The following RP1 variants were observed in gnomAD, a reference collection of about 807,000 sequenced individuals.
The protein encoded by RP1 is oxygen-regulated protein 1.
In RP1, 16 loss-of-function variants were observed where a neutral mutation model predicts 14.8. The observed-to-expected ratio is 1.08, with a 90% CI of 0.73 to 1.65. RP1 has a LOEUF of 1.65. Ranked by LOEUF, RP1 falls within the 40% of genes most tolerant of loss-of-function variation. RP1 has a pLI of 0.00. For missense variants in RP1, 2,631 were observed against 2,535.0 expected, an observed-to-expected ratio of 1.04 and a Z score of -0.81; for synonymous variants, 876 against 883.6, an observed-to-expected ratio of 0.99 and a Z score of 0.15.
chr8:54,607,076 A>C (rs1383294478), intron 1 of RP1, among the ~76,000 whole-genome samples: 1 of 151,958 alleles, frequency 6.6e-6, no homozygotes, highest in African/African-American at 2.4e-5. Context: ...GCTTTGTTCC[A>C]TTGCTGGTGA....
At chr8:54,744,306 A>G (rs1318749027) in intron 19 of RP1, among the ~76,000 whole-genome samples, 1 of 152,132 alleles carries the variant, frequency 6.6e-6, no homozygotes, top group Admixed American at 6.6e-5. Flanking sequence ...GCAGGCCTAT[A>G]CTCAAAAGGG....
chr8:54,676,118 G>C (rs1182423696), intron 8 of RP1, among the ~76,000 whole-genome samples: 4 of 152,148 alleles, frequency 2.6e-5, no homozygotes, highest in African/African-American at 9.6e-5. Context: ...TTATCACATT[G>C]GGTCTTAGGT....
upstream of RP1, among the ~76,000 whole-genome samples, chr8:54,611,883 C>A (rs1411465829): frequency 7.0e-6 from 1 of 143,808 alleles, no homozygotes; most frequent in Non-Finnish European, 1.5e-5. Flanking sequence ...CTCCCTCCCT[C>A]TCTCCCTTCC....
At chr8:54,779,883 T>C (rs1234964851) in intron 23 of RP1, among the ~76,000 whole-genome samples, 1 of 152,222 alleles carries the variant, frequency 6.6e-6, no homozygotes, top group Non-Finnish European at 1.5e-5. Flanking sequence ...ATCTGTGAAA[T>C]GCTTTCAGCA....
rs1176733470 is a variant in RP1, at chr8:54,621,405, C to T, written c.439C>T (p.Pro147Ser). The T allele has an allele frequency of 6.2e-7, 1 of 1,613,294 alleles. No individual in the cohort carries two copies. Among genetic ancestry groups the T allele is most frequent in the Non-Finnish European group, 8.5e-7 (1 of 1,179,926 alleles). The change falls in exon 2 of 4, where the codon CCC becomes TCC. Residue 147 changes from proline (P) to serine (S), a missense_variant. By Grantham distance (74) the Pro-to-Ser change is moderately conservative. Coordinates refer to ENST00000220676, the MANE Select transcript of RP1 (RefSeq NM_006269.2). Reference sequence around the variant, plus strand: ...GCCCCACCCCGTAGCCGTCGCTGCTCCCGGCATGCCCCGCCCCCCACGGAG... The same window carrying T: ...GCCCCACCCCGTAGCCGTCGCTGCTTCCGGCATGCCCCGCCCCCCACGGAG... ...SPPHPVAVAA[P>S]GMPRPPRSLV...
At chr8:54,825,731 T>C (rs1351723881) in intron 24 of RP1, among the ~76,000 whole-genome samples, 3 of 152,224 alleles carry the variant, frequency 2.0e-5, no homozygotes, top group Non-Finnish European at 2.9e-5. Flanking sequence ...GTGGATATGT[T>C]TATTTTTCTT....
chr8:54,692,914 T>A (rs1466404491), intron 12 of RP1, among the ~76,000 whole-genome samples: 1 of 152,130 alleles, frequency 6.6e-6, no homozygotes. Context: ...CTGAATGGTA[T>A]TGCCTAGGTT....
chr8:54,606,289 C>G (rs1284031155), intron 1 of RP1, among the ~76,000 whole-genome samples: 1 of 152,116 alleles, frequency 6.6e-6, no homozygotes, highest in African/African-American at 2.4e-5. Flanking sequence ...TTTTATTTCT[C>G]CTTCACTTAT....
At chr8:54,689,416 C>T (rs565118292) in intron 12 of RP1, among the ~76,000 whole-genome samples, 1 of 152,222 alleles carries the variant, frequency 6.6e-6, no homozygotes, top group East Asian at 1.9e-4. Flanking sequence ...CTGGGCCTGA[C>T]AATTTAAAGG....
intron 28 of RP1, among the ~76,000 whole-genome samples, chr8:54,866,366 A>G (rs932068217): frequency 6.6e-6 from 1 of 152,158 alleles, no homozygotes; most frequent in Non-Finnish European, 1.5e-5. Context: ...ACTCTAATGC[A>G]TTGTACTAAA....
intron 1 of RP1, among the ~76,000 whole-genome samples, chr8:54,575,770 G>T (rs948997718): frequency 6.6e-6 from 1 of 151,992 alleles, no homozygotes; most frequent in Non-Finnish European, 1.5e-5. Flanking sequence ...TATTTTTTCT[G>T]TTCCTCTCCC....
In RP1 at chr8:54,627,299, G is replaced by C. The variant is rs1482478213; in HGVS notation, c.3417G>C (p.Lys1139Asn). Reference protein sequence around the residue: ...LLAWLLVLNLKGSMNSFCQVD... With the variant: ...LLAWLLVLNLNGSMNSFCQVD... ...CTTGGCTCTTGGTGCTAAACCTAAA[G>C]GGAAGTATGAATAGCTTCTGTCAAG... Residue 1139 changes from lysine to asparagine, a missense_variant, in exon 4 of 4, where the codon AAG becomes AAC. Coordinates refer to ENST00000220676, the MANE Select transcript of RP1 (RefSeq NM_006269.2). The C allele has an allele frequency of 6.2e-7, 1 of 1,614,090 alleles. No individual in the cohort carries two copies.
chr8:54,678,480 T>A, exon 9 of RP1: 1 of 1,535,058 alleles, frequency 6.5e-7, no homozygotes, highest in East Asian at 2.5e-5. Context: ...GGTTTCTTGA[T>A]GATGTTGTTA....
chr8:54,635,721 C>T (rs147320798), downstream of RP1, among the ~76,000 whole-genome samples: 1 of 152,218 alleles, frequency 6.6e-6, no homozygotes, highest in Non-Finnish European at 1.5e-5. Flanking sequence ...TTCTTTGACC[C>T]AAAACCCAAC....
chr8:54,858,980 G>C (rs1199922240), intron 27 of RP1, among the ~76,000 whole-genome samples: 1 of 151,890 alleles, frequency 6.6e-6, no homozygotes, highest in African/African-American at 2.4e-5. Context: ...GTAGAGCAGT[G>C]TCACTGTAGA....
At chr8:54,828,357 T>C (rs756376520) in intron 24 of RP1, among the ~76,000 whole-genome samples, 2 of 152,206 alleles carry the variant, frequency 1.3e-5, no homozygotes, top group African/African-American at 2.4e-5. Flanking sequence ...GGATCTCTCA[T>C]GAATGGCTTT....
intron 1 of RP1, among the ~76,000 whole-genome samples, chr8:54,566,010 G>T (rs1804397405): frequency 6.6e-6 from 1 of 152,092 alleles, no homozygotes; most frequent in South Asian, 2.1e-4. Flanking sequence ...TCTTCACACT[G>T]GTGTTCTCCC....
At chr8:54,720,045 T>C in intron 15 of RP1, 1 of 1,135,638 alleles carries the variant, frequency 8.8e-7, no homozygotes, top group South Asian at 1.8e-5. Context: ...CGAGACAAAA[T>C]TATATTCTTT....
Position 54,637,872 on chromosome 8 carries a change from TC to T in RP1, c.788-11112del, listed in dbSNP as rs1190892832. On this transcript the variant is annotated intron_variant, in intron 3 of 22. Transcript: ENST00000636932. ...GAACTCTTCCCCAGGGCTGACTCTG[TC>T]AGCATAAAAGTGCACATCTATTCTA... Among the ~76,000 whole-genome samples, 9 of 152,336 alleles carry T rather than the reference TC, an allele frequency of 5.9e-5. No individual in the cohort carries two copies. The South Asian group carries it at 6.2e-4, about 11-fold the overall frequency.
Sources: allele counts gnomAD v4.1 joint callset (sites outside exome capture counted in the v4.1 genomes callset), GRCh38; gene constraint gnomAD v4.1.1; transcripts MANE v1.5; gene names NCBI Gene and HGNC (gene_info 2026-07-23, HGNC 2026-07-21).